The following CDH9 variants were observed in gnomAD, a reference collection of about 807,000 sequenced individuals.
CDH9 encodes cadherin 9.
A neutral mutation model predicts 70.9 loss-of-function variants in CDH9; 28 were observed. The observed-to-expected ratio is 0.40, with a 90% CI of 0.29 to 0.54. CDH9 has a LOEUF of 0.54. Ranked by LOEUF, CDH9 falls within the 20% of genes least tolerant of loss-of-function variation. The probability of loss-of-function intolerance (pLI) is 0.59; values close to 1 mark genes in which losing one functional copy is unlikely to be tolerated. For missense variants in CDH9, 874 were observed against 984.4 expected (o/e 0.89, Z 1.50); for synonymous variants, 409 against 343.1 (o/e 1.19, Z -2.12).
At chr5:26,917,560 T>C (rs1741170405) in intron 2 of CDH9, among the ~76,000 whole-genome samples, 1 of 152,112 alleles carries the variant, frequency 6.6e-6, no homozygotes, top group South Asian at 2.1e-4. Flanking sequence ...ACTATTTAAA[T>C]TATGTTTTTA....
chr5:26,923,387 C>A (rs1741280888), intron 2 of CDH9, among the ~76,000 whole-genome samples: 1 of 151,692 alleles, frequency 6.6e-6, no homozygotes, highest in Non-Finnish European at 1.5e-5. Context: ...AATTGAGCAA[C>A]CTATATATAA....
chr5:26,902,533 C>T lies in CDH9; in HGVS notation c.1196G>A (p.Gly399Asp), dbSNP rs568317141. The change falls in exon 7 of 12, where the codon GGC (glycine) becomes GAC (aspartate). Residue 399 changes from glycine to aspartate, a missense_variant. Physicochemically the swap from Gly to Asp is moderately conservative, Grantham distance 94. Transcript: ENST00000231021. ...LIEVDEDVKE[G>D]SIIGQVTAYD... ...TGCTGTAACCTGTCCAATGATACTGCCCTCCTTTACATCTTCATCTACTTC... is the reference window on the plus strand; with the variant it reads ...TGCTGTAACCTGTCCAATGATACTGTCCTCCTTTACATCTTCATCTACTTC... The T allele has an allele frequency of 2.5e-6, 4 of 1,599,480 alleles. No individual in the cohort carries two copies. The highest frequency in any genetic ancestry group is 1.3e-5 in the African/African-American group (1 of 74,656).
At chr5:27,012,462 G>A (rs1742975730) in intron 1 of CDH9, among the ~76,000 whole-genome samples, 1 of 151,772 alleles carries the variant, frequency 6.6e-6, no homozygotes, top group Admixed American at 6.6e-5. Context: ...ATATTCTGGG[G>A]CTGTACTGTA....
chr5:26,951,870 G>A (rs1334287161), intron 2 of CDH9, among the ~76,000 whole-genome samples: 2 of 152,044 alleles, frequency 1.3e-5, no homozygotes, highest in Non-Finnish European at 2.9e-5. Context: ...TGGCACAAAT[G>A]TGCCCATAAC....
intron 2 of CDH9, 81 bp from the exon 3 acceptor site, chr5:26,916,005 G>A (rs974029928): frequency 7.9e-5 from 70 of 887,782 alleles, no homozygotes; most frequent in Admixed American, 2.9e-4. Context: ...CTATCAATTC[G>A]TCTCCATATA....
chr5:26,894,763 A>G (rs1335260065), intron 7 of CDH9, among the ~76,000 whole-genome samples: 3 of 152,094 alleles, frequency 2.0e-5, no homozygotes, highest in Admixed American at 1.3e-4. Context: ...CAGATGGCCT[A>G]CTATAACAAC....
At chr5:26,898,195 C>A (rs929310012) in intron 7 of CDH9, among the ~76,000 whole-genome samples, 2 of 152,104 alleles carry the variant, frequency 1.3e-5, no homozygotes, top group Admixed American at 6.6e-5. Flanking sequence ...AAGGAAAAAA[C>A]GTTCCATGCT....
At chr5:26,891,476 G>C (rs760542334) in intron 7 of CDH9, among the ~76,000 whole-genome samples, 1 of 152,044 alleles carries the variant, frequency 6.6e-6, no homozygotes, top group African/African-American at 2.4e-5. Flanking sequence ...TCAGGAGTTC[G>C]AGACCAGCCT....
intron 1 of CDH9, among the ~76,000 whole-genome samples, chr5:27,017,030 T>C (rs1307466387): frequency 6.6e-6 from 1 of 151,946 alleles, no homozygotes; most frequent in Admixed American, 6.6e-5. Flanking sequence ...AGCCCAAAAC[T>C]GTTCTTTCTA....
At chr5:26,908,596 A>G (rs187257536) in intron 3 of CDH9, among the ~76,000 whole-genome samples, 47 of 152,110 alleles carry the variant, frequency 3.1e-4, no homozygotes, top group African/African-American at 1.1e-3. Context: ...TGTTTATTTG[A>G]CTCTTTCAAA....
At chr5:26,977,580 T>C (rs1456436636) in intron 2 of CDH9, among the ~76,000 whole-genome samples, 1 of 151,642 alleles carries the variant, frequency 6.6e-6, no homozygotes, top group Non-Finnish European at 1.5e-5. Flanking sequence ...AAAAGAATTC[T>C]ACATTAATTT....
At chr5:27,015,324 A>G (rs1743029716) in intron 1 of CDH9, among the ~76,000 whole-genome samples, 1 of 151,776 alleles carries the variant, frequency 6.6e-6, no homozygotes, top group Non-Finnish European at 1.5e-5. Context: ...TTTTTCTATA[A>G]GAGGAAATCT....
At chr5:26,980,830 A>G (rs980509893) in intron 2 of CDH9, among the ~76,000 whole-genome samples, 1 of 152,076 alleles carries the variant, frequency 6.6e-6, no homozygotes, top group Non-Finnish European at 1.5e-5. Flanking sequence ...GCAATGAGCA[A>G]TAATAGCATT....
chr5:27,032,361 T>C (rs1371287388), intron 1 of CDH9, among the ~76,000 whole-genome samples: 2 of 151,666 alleles, frequency 1.3e-5, no homozygotes, highest in Non-Finnish European at 3.0e-5. Context: ...GAATATCATT[T>C]GAATAAATAA....
intron 2 of CDH9, among the ~76,000 whole-genome samples, chr5:26,930,168 G>A (rs987056520): frequency 2.6e-5 from 4 of 151,868 alleles, no homozygotes; most frequent in African/African-American, 9.7e-5. Context: ...TAATTATATA[G>A]AAATATTTTT....
At chr5:26,972,784 T>A (rs1270124539) in intron 2 of CDH9, among the ~76,000 whole-genome samples, 1 of 151,988 alleles carries the variant, frequency 6.6e-6, no homozygotes, top group Admixed American at 6.6e-5. Flanking sequence ...AGATTGTGGG[T>A]AGGAGGAAGA....
intron 7 of CDH9, among the ~76,000 whole-genome samples, chr5:26,891,754 A>T (rs1246935401): frequency 3.3e-5 from 5 of 152,170 alleles, no homozygotes; most frequent in Admixed American, 2.6e-4. Context: ...AGAAGAAAAA[A>T]AGAGAAGAGA....
At chr5:26,920,584 G>A (rs947685426) in intron 2 of CDH9, among the ~76,000 whole-genome samples, 6 of 152,072 alleles carry the variant, frequency 3.9e-5, no homozygotes, top group Admixed American at 6.5e-5. Context: ...TCCCAGTGGC[G>A]GGGGCCACAG....
At chr5:26,964,977 A>G (rs2112066251) in intron 2 of CDH9, among the ~76,000 whole-genome samples, 1 of 152,258 alleles carries the variant, frequency 6.6e-6, no homozygotes, top group Middle Eastern at 3.4e-3. Context: ...TTCCCTTAAA[A>G]ATAATTAAAA....
Sources: allele counts gnomAD v4.1 joint callset (sites outside exome capture counted in the v4.1 genomes callset), GRCh38; gene constraint gnomAD v4.1.1; transcripts MANE v1.5; gene names NCBI Gene and HGNC (gene_info 2026-07-23, HGNC 2026-07-21).